KCNQ2: variants seen among roughly 807,000 people sequenced by gnomAD.
KCNQ2 encodes the protein potassium voltage-gated channel subfamily KQT member 2.
Under a neutral mutation model 84.8 loss-of-function variants are expected in KCNQ2, and 14 were observed. The ratio of observed to expected loss-of-function variants is 0.17; its 90% CI spans 0.11 to 0.26. The LOEUF (loss-of-function observed/expected upper bound fraction) is 0.26, where lower values mean the gene tolerates loss of function less well. Ranked by LOEUF, KCNQ2 falls within the 10% of genes least tolerant of loss-of-function variation. KCNQ2 has a pLI of 1.00. For missense variants in KCNQ2, 788 were observed against 1,254.0 expected, an observed-to-expected ratio of 0.63 and a Z score of 5.61; for synonymous variants, 599 against 554.1, an observed-to-expected ratio of 1.08 and a Z score of -1.14.
rs752280961 is a variant in KCNQ2, at chr20:63,428,375, G to A, written c.1209C>T (p.Leu403=). The change falls in exon 10 of 17, where the codon CTC becomes CTT. Residue 403 remains leucine (L), a synonymous_variant. Coordinates refer to ENST00000359125, the MANE Select transcript of KCNQ2 (RefSeq NM_172107.4). The stretch of plus-strand genomic sequence containing the variant: ...GGAGCTCCCCAGCTGACCTGAAAGC[G>A]AGTCCAGATTTACTCTTGAGGTTCC... The part of the protein sequence containing the change: ...LLRNLKSKSG[L]AFRKDPPPEP... The A allele has an allele frequency of 1.3e-5, 21 of 1,571,034 alleles. No individual in the cohort carries two copies. The highest frequency in any genetic ancestry group is 1.7e-4 in the Middle Eastern group (1 of 6,022).
chr20:63,428,441 G>T lies in KCNQ2; in HGVS notation c.1149-6C>A. ...GGTTCAGCGGGGGGATAAGTCTGGG[G>T]CAAGAGAAGGAGAGGGGAGTGAGCG... On this transcript the variant is annotated splice_polypyrimidine_tract_variant and splice_region_variant and intron_variant, in intron 9 of 16. Coordinates refer to ENST00000359125, the MANE Select transcript of KCNQ2 (RefSeq NM_172107.4). The T allele has an allele frequency of 6.3e-7, 1 of 1,585,366 alleles. No individual in the cohort carries two copies. Among genetic ancestry groups the T allele is most frequent in the Non-Finnish European group, 8.6e-7 (1 of 1,165,878 alleles).
At chr20:63,442,858 C>T (rs948319405) in intron 4 of KCNQ2, among the ~76,000 whole-genome samples, 2 of 86,776 alleles carry the variant, frequency 2.3e-5, no homozygotes, top group African/African-American at 4.4e-5. Flanking sequence ...CCATCACCAC[C>T]ACCATCACCA....
chr20:63,446,873 C>A lies in KCNQ2; in HGVS notation c.297-36G>T, dbSNP rs555690418. 4 of 1,557,932 alleles carry A rather than the reference C, an allele frequency of 2.6e-6. No individual in the cohort carries two copies. The South Asian group carries it at 3.3e-5, about 13-fold the overall frequency. ...GGAACGCGCGCTCTCAGACAGGCCG[C>A]AGCAGGGCAGCAGCATGGCTGTGTC... On this transcript the variant is annotated intron_variant, in intron 1 of 16. Transcript: ENST00000359125. This position sits in a 1 kb window ranked among gnomAD's most constrained non-coding sequence, Gnocchi z 5.5.
Position 63,442,727 on chromosome 20 carries a change from ATCACCACCT to A in KCNQ2, c.691-205_691-197del, listed in dbSNP as rs1568934065. On this transcript the variant is annotated intron_variant, in intron 4 of 16. Transcript: ENST00000359125. ...CACCATCACCACCACCACCACCATC[ATCACCACCT>A]CCACCATCACCACCATCACCATCAC... Among the ~76,000 whole-genome samples, 18 of 51,142 alleles carry A rather than the reference ATCACCACCT, an allele frequency of 3.5e-4. 2 individuals carry two copies. The highest frequency in any genetic ancestry group is 9.2e-4 in the East Asian group (2 of 2,180). The allele number at this position is 51,142 out of a possible 152,430, so 33.6% of individuals were successfully genotyped here.
chr20:63,418,492 G>A (rs561712515), intron 12 of KCNQ2, among the ~76,000 whole-genome samples: 25 of 152,260 alleles, frequency 1.6e-4, no homozygotes, highest in African/African-American at 6.0e-4. Context: ...GCCTCCCGTG[G>A]GGGCTGCTCG....
At chr20:63,442,944 T>C (rs933845082) in intron 4 of KCNQ2, among the ~76,000 whole-genome samples, 30 of 46,830 alleles carry the variant, frequency 6.4e-4, no homozygotes, top group Non-Finnish European at 8.4e-4. Context: ...ACCACCACCA[T>C]CACCATCATC....
chr20:63,414,099 G>A lies in KCNQ2; in HGVS notation c.1620C>T (p.Ile540=). 6.2e-7 allele frequency: 1 copy of A among 1,613,358 alleles called. No homozygotes were observed. Among genetic ancestry groups the A allele is most frequent in the Non-Finnish European group, 8.5e-7 (1 of 1,179,756 alleles). ...GGCAGGGGCCTCACCACACGGCTCT[G>A]ATGCTGACTTTGAGGCCCGGGGTCA... ...EDLTPGLKVS[I]RAVCVMRFLV... The change falls in exon 14 of 17, where the codon ATC becomes ATT. Residue 540 remains isoleucine, a synonymous_variant. Transcript: ENST00000359125. This position sits in a 1 kb window ranked among gnomAD's most constrained non-coding sequence, Gnocchi z 6.6.
intron 1 of KCNQ2, among the ~76,000 whole-genome samples, chr20:63,457,075 A>G (rs1441186130): frequency 1.3e-5 from 2 of 152,052 alleles, no homozygotes; most frequent in Non-Finnish European, 2.9e-5. Flanking sequence ...GACACACGCC[A>G]CCTCCCACCT....
chr20:63,415,779 G>C (rs930066485), intron 12 of KCNQ2, among the ~76,000 whole-genome samples: 1 of 152,184 alleles, frequency 6.6e-6, no homozygotes. Context: ...TCTTCCTCGG[G>C]CACCTCTGTC....
Position 63,414,008 on chromosome 20 carries a change from G to T in KCNQ2, c.1631+80C>A. ...TCTGGGCGGCTCTGTCCAGCACCAT[G>T]AGCACCGGCAGCAGGCAGGACCACC... is the stretch of plus-strand genomic sequence containing the variant. On this transcript the variant is annotated intron_variant, in intron 14 of 16. Coordinates refer to ENST00000359125, the MANE Select transcript of KCNQ2 (RefSeq NM_172107.4). The surrounding 1 kb of genome is among the most constrained non-coding windows in gnomAD (Gnocchi z 6.6). The T allele has an allele frequency of 9.4e-7, 1 of 1,069,066 alleles. No homozygotes were observed. The highest frequency in any genetic ancestry group is 1.3e-5 in the South Asian group (1 of 79,572). 66.2% of individuals were successfully genotyped at this position (1,069,066 alleles called of 1,614,324 possible). A position where few individuals can be genotyped will look rare whatever the true frequency, so the allele number is the denominator to read the frequency against.
rs1031755919 is a variant in KCNQ2 at position 63,402,292 on chromosome 20, G to A, written c.*4352C>T. On this transcript the variant is annotated 3_prime_UTR_variant, in exon 17 of 17. Coordinates refer to ENST00000359125, the MANE Select transcript of KCNQ2 (RefSeq NM_172107.4). ...TTTGTGAACCGTCCCTCTCACGTCT[G>A]CTTTGAGGGTTTGTGTCAATGGGGC... 1 of 173,182 alleles carries A rather than the reference G, an allele frequency of 5.8e-6. No individual in the cohort carries two copies. The allele number at this position is 173,182 out of a possible 1,614,324, so 10.7% of individuals were successfully genotyped here. A position where few individuals can be genotyped will look rare whatever the true frequency, so the allele number is the denominator to read the frequency against.
At chr20:63,410,427 C>A (rs1304850096) in intron 15 of KCNQ2, among the ~76,000 whole-genome samples, 1 of 152,186 alleles carries the variant, frequency 6.6e-6, no homozygotes, top group Non-Finnish European at 1.5e-5. Flanking sequence ...CAACTGTCTC[C>A]CTGGCCCCCT....
chr20:63,449,285 C>T (rs1421988958), intron 1 of KCNQ2: 1 of 152,298 alleles, frequency 6.6e-6, no homozygotes, highest in Non-Finnish European at 1.5e-5. Flanking sequence ...GTTTTCTGCC[C>T]CTTGCAAATA....
chr20:63,472,359 G>C lies in KCNQ2; in HGVS notation c.105C>G (p.Thr35=), dbSNP rs2082237874. ...VGLDPGAPDS[T]RDGALLIAGS... ...CGGCGATCAGCAGCGCCCCGTCCCG[G>C]GTGGAGTCGGGCGCGCCGGGGTCCA... Residue 35 remains threonine (T), a synonymous_variant, in exon 1 of 17, where the codon ACC becomes ACG. Coordinates refer to ENST00000359125, the MANE Select transcript of KCNQ2 (RefSeq NM_172107.4). The C allele has an allele frequency of 6.5e-7, 1 of 1,534,902 alleles. No individual in the cohort carries two copies. Among genetic ancestry groups the C allele is most frequent in the African/African-American group, 1.4e-5 (1 of 70,950 alleles).
At chr20:63,442,774 C>T (rs2081225902) in intron 4 of KCNQ2, among the ~76,000 whole-genome samples, 2 of 28,526 alleles carry the variant, frequency 7.0e-5, no homozygotes, top group Non-Finnish European at 1.3e-4. Flanking sequence ...CCATCACCAT[C>T]ACCACCACCA....
chr20:63,472,422 C>G lies in KCNQ2; in HGVS notation c.42G>C (p.Pro14=). 6.5e-7 allele frequency: 1 copy of G among 1,538,292 alleles called. No individual in the cohort carries two copies. The highest frequency in any genetic ancestry group is 8.7e-7 in the Non-Finnish European group (1 of 1,147,478). ...KSRNGGVYPG[P]SGEKKLKVGF... ...CCACCTTCAGCTTCTTCTCCCCGCT[C>G]GGGCCGGGGTATACGCCGCCGTTGC... The change falls in exon 1 of 17, where the codon CCG becomes CCC. Residue 14 remains proline (P), a synonymous_variant. Transcript: ENST00000359125.
chr20:63,457,156 T>C (rs1156232860), intron 1 of KCNQ2, among the ~76,000 whole-genome samples: 2 of 151,918 alleles, frequency 1.3e-5, no homozygotes, highest in African/African-American at 4.8e-5. Flanking sequence ...GCGTGATGGA[T>C]CACTGCAGAC....
chr20:63,448,385 C>T (rs1462620266), intron 1 of KCNQ2: 3 of 152,434 alleles, frequency 2.0e-5, no homozygotes, highest in Admixed American at 1.3e-4. Flanking sequence ...TCGTTCCAAC[C>T]GTGCTCAGAA....
In KCNQ2 at chr20:63,472,619, G is replaced by A. The variant is rs1051481734; in HGVS notation, c.-156C>T. 4.6e-6 allele frequency: 2 copies of A among 435,422 alleles called. No homozygotes were observed. Among genetic ancestry groups the A allele is most frequent in the Non-Finnish European group, 3.1e-6 (1 of 319,698 alleles). 27.0% of individuals were successfully genotyped at this position (435,422 alleles called of 1,614,324 possible). On this transcript the variant is annotated 5_prime_UTR_variant, in exon 1 of 17. Transcript: ENST00000359125. ...CCGGGCTTGGGCCGCGCGCGGAGAC[G>A]CTGCGGCCACCTCGCTCCGCGCGCA...
Sources: gnomAD v4.1 joint callset for allele counts (sites outside exome capture counted in the v4.1 genomes callset) on GRCh38, gnomAD v4.1.1 for gene constraint, Gnocchi (gnomAD v3.1) non-coding constraint, MANE v1.5 for transcripts, NCBI Gene and HGNC (gene_info 2026-07-23, HGNC 2026-07-21) for gene names.